Variants in ZEB1 observed in about 807,000 individuals in gnomAD.
ZEB1 encodes zinc finger E-box-binding homeobox 1.
ZEB1 carries 21 observed loss-of-function variants against 84.9 expected under a neutral mutation model. The ratio of observed to expected loss-of-function variants is 0.25; its 90% confidence interval spans 0.18 to 0.36. ZEB1 has a LOEUF of 0.36. ZEB1 is among the 10% of genes least tolerant of loss of function. The pLI is 1.00. For synonymous variants in ZEB1, 420 were observed against 471.1 expected, an observed-to-expected ratio of 0.89 and a Z score of 1.41; for missense variants, 1,104 against 1,330.2, an observed-to-expected ratio of 0.83 and a Z score of 2.65.
intron 3 of ZEB1, among the ~76,000 whole-genome samples, chr10:31,499,473 C>G (rs189293498): frequency 3.3e-5 from 5 of 152,212 alleles, no homozygotes; most frequent in Admixed American, 3.3e-4. Context: ...ATCACACCAG[C>G]CAGCCAAGTC....
intron 1 of ZEB1, among the ~76,000 whole-genome samples, chr10:31,451,885 C>T (rs1350470600): frequency 6.6e-6 from 1 of 152,044 alleles, no homozygotes; most frequent in Non-Finnish European, 1.5e-5. Context: ...AGAAATCCTA[C>T]GAATCCTTAG....
intron 1 of ZEB1, among the ~76,000 whole-genome samples, chr10:31,352,156 G>A (rs983040685): frequency 4.0e-5 from 6 of 151,824 alleles, no homozygotes; most frequent in South Asian, 2.1e-4. Flanking sequence ...ACTTTTAAGC[G>A]TTGCCCTTAT....
intron 1 of ZEB1, among the ~76,000 whole-genome samples, chr10:31,397,241 G>T (rs539171487): frequency 4.1e-5 from 6 of 147,796 alleles, no homozygotes; most frequent in East Asian, 3.9e-4. Context: ...ACATCTTGGG[G>T]TTTTTTTAAT....
intron 1 of ZEB1, among the ~76,000 whole-genome samples, chr10:31,385,300 C>A (rs896944164): frequency 2.0e-4 from 31 of 152,132 alleles, no homozygotes; most frequent in Non-Finnish European, 4.4e-5. Context: ...ATGAAATGCA[C>A]CATACACATT....
chr10:31,362,895 T>A, intron 1 of ZEB1: 1 of 1,390,258 alleles, frequency 7.2e-7, no homozygotes, highest in Non-Finnish European at 9.8e-7. Flanking sequence ...TACTTAACAC[T>A]CTCATGTTCT....
intron 2 of ZEB1, among the ~76,000 whole-genome samples, chr10:31,476,359 G>C (rs1414582301): frequency 6.6e-6 from 1 of 151,960 alleles, no homozygotes; most frequent in Non-Finnish European, 1.5e-5. Context: ...AGATAACCTA[G>C]AAGAAATATG....
At chr10:31,388,097 T>C (rs570457805) in intron 1 of ZEB1, among the ~76,000 whole-genome samples, 2 of 152,256 alleles carry the variant, frequency 1.3e-5, no homozygotes, top group South Asian at 4.1e-4. Flanking sequence ...ATATCATTAA[T>C]TGACTATGGA....
At chr10:31,410,258 T>G (rs755390789) in intron 1 of ZEB1, among the ~76,000 whole-genome samples, 5 of 152,170 alleles carry the variant, frequency 3.3e-5, no homozygotes, top group Non-Finnish European at 5.9e-5. Flanking sequence ...CTGCATCTAT[T>G]GAGATAATTA....
At chr10:31,381,532 G>A (rs2047630516) in intron 1 of ZEB1, among the ~76,000 whole-genome samples, 2 of 152,000 alleles carry the variant, frequency 1.3e-5, no homozygotes, top group Admixed American at 1.3e-4. Context: ...AAGATTTTTG[G>A]GTTTAACCTC....
intron 2 of ZEB1, among the ~76,000 whole-genome samples, chr10:31,491,017 T>A (rs1565098808): frequency 6.6e-6 from 1 of 151,718 alleles, no homozygotes; most frequent in South Asian, 2.1e-4. Context: ...TAATTGTCTG[T>A]CTATACTTAG....
intron 2 of ZEB1, among the ~76,000 whole-genome samples, chr10:31,479,360 CT>C (rs1397093951): frequency 7.9e-5 from 12 of 151,992 alleles, no homozygotes; most frequent in African/African-American, 2.9e-4. Context: ...TTCTCAAATT[CT>C]TCTAGAAATT....
intron 3 of ZEB1, among the ~76,000 whole-genome samples, chr10:31,498,470 T>TA (rs1390067662): frequency 6.6e-6 from 1 of 152,070 alleles, no homozygotes; most frequent in Non-Finnish European, 1.5e-5. Context: ...CTTTAAGGTG[T>TA]AAATAGCTAA....
intron 1 of ZEB1, among the ~76,000 whole-genome samples, chr10:31,384,971 A>G (rs1441213514): frequency 6.6e-6 from 1 of 152,076 alleles, no homozygotes; most frequent in Admixed American, 6.5e-5. Flanking sequence ...CTTCCCCCCA[A>G]AGTTAGTTCA....
intron 1 of ZEB1, among the ~76,000 whole-genome samples, chr10:31,353,803 T>C (rs920885422): frequency 6.6e-6 from 1 of 152,156 alleles, no homozygotes; most frequent in Admixed American, 6.5e-5. Context: ...CAATACATAG[T>C]TTTGGTCACC....
chr10:31,450,662 T>C (rs2060452087), intron 1 of ZEB1, among the ~76,000 whole-genome samples: 1 of 152,202 alleles, frequency 6.6e-6, no homozygotes, highest in African/African-American at 2.4e-5. Flanking sequence ...TCATTTATTA[T>C]GATACTAACT....
chr10:31,398,308 A>G (rs2051208052), intron 1 of ZEB1, among the ~76,000 whole-genome samples: 1 of 152,032 alleles, frequency 6.6e-6, no homozygotes. Context: ...CATTATATAT[A>G]TTGGCTTCTT....
At chr10:31,511,593 A>C (rs1444816930) in intron 5 of ZEB1, among the ~76,000 whole-genome samples, 2 of 152,208 alleles carry the variant, frequency 1.3e-5, no homozygotes, top group Non-Finnish European at 2.9e-5. Context: ...ATCAACAATG[A>C]AATTAATATT....
chr10:31,349,509 G>A (rs933345055), intron 1 of ZEB1, among the ~76,000 whole-genome samples: 2 of 152,086 alleles, frequency 1.3e-5, no homozygotes, highest in Admixed American at 1.3e-4. Flanking sequence ...GTTTTCCATA[G>A]TGGCTGTACC....
At chr10:31,480,476 A>G (rs892446236) in intron 2 of ZEB1, among the ~76,000 whole-genome samples, 1 of 152,074 alleles carries the variant, frequency 6.6e-6, no homozygotes, top group Non-Finnish European at 1.5e-5. Flanking sequence ...GATTGAGCAC[A>G]TGGCTTCTAG....
Sources: gnomAD v4.1 joint callset for allele counts (sites outside exome capture counted in the v4.1 genomes callset) on GRCh38, gnomAD v4.1.1 for gene constraint, MANE v1.5 for transcripts, NCBI Gene and HGNC (gene_info 2026-07-23, HGNC 2026-07-21) for gene names.